CDH9: variants seen among roughly 807,000 people sequenced by gnomAD.
The protein encoded by CDH9 is cadherin 9.
CDH9 carries 28 observed loss-of-function variants against 70.9 expected under a neutral mutation model. The observed-to-expected ratio is 0.40, with a 90% CI of 0.29 to 0.54. The LOEUF (loss-of-function observed/expected upper bound fraction) is 0.54. Ranked by LOEUF, CDH9 falls within the 20% of genes least tolerant of loss-of-function variation. The probability of loss-of-function intolerance (pLI) is 0.59; values close to 1 mark genes in which losing one functional copy is unlikely to be tolerated. For synonymous variants in CDH9, 409 were observed against 343.1 expected, an observed-to-expected ratio of 1.19 and a Z score of -2.12; for missense variants, 874 against 984.4, an observed-to-expected ratio of 0.89 and a Z score of 1.50.
intron 3 of CDH9, among the ~76,000 whole-genome samples, chr5:26,911,428 C>A (rs1741052025): frequency 6.6e-6 from 1 of 152,046 alleles, no homozygotes. Context: ...ATGAAGAATT[C>A]ATTGACCGAG....
intron 4 of CDH9, 58 bp from the exon 5 acceptor site, chr5:26,906,184 C>T (rs1740945373): frequency 2.8e-6 from 4 of 1,410,516 alleles, no homozygotes; most frequent in Non-Finnish European, 3.9e-6. Flanking sequence ...TAAAATTAAG[C>T]TAGACAAGAC....
intron 3 of CDH9, among the ~76,000 whole-genome samples, chr5:26,908,340 G>GT (rs34902473): frequency 0.79 from 118,815 of 150,784 alleles, 47,185 homozygotes; most frequent in East Asian, 0.87. Flanking sequence ...TTCAACAAGT[G>GT]TTTTTTTTTA....
chr5:26,982,224 A>G (rs1448381510), intron 2 of CDH9, among the ~76,000 whole-genome samples: 1 of 152,086 alleles, frequency 6.6e-6, no homozygotes, highest in Non-Finnish European at 1.5e-5. Context: ...AAGTAGTTCA[A>G]AAACACTGAA....
intron 1 of CDH9, among the ~76,000 whole-genome samples, chr5:27,001,842 A>ACTCTCTCTCTCTCTCTCTCT: frequency 7.9e-6 from 1 of 125,942 alleles, no homozygotes; most frequent in African/African-American, 3.1e-5. Flanking sequence ...ACACACACAC[A>ACTCTCTCTCTCTCTCTCTCT]CACTCTCTCT....
chr5:26,955,033 C>T (rs114061124), intron 2 of CDH9, among the ~76,000 whole-genome samples: 3,335 of 152,030 alleles, frequency 0.022, 132 homozygotes, highest in African/African-American at 0.076. Context: ...GAACATTACT[C>T]AAAAAAAGTT....
In CDH9 at chr5:27,023,006, T is replaced by G. The variant is rs565265915; in HGVS notation, c.-50+15457A>C. Among the ~76,000 whole-genome samples the G allele has an allele frequency of 5.3e-5, 8 of 152,172 alleles. No homozygotes were observed. In the South Asian group the frequency reaches 1.2e-3, roughly 24 times the overall value. ...AGTGGTTGAAAGTTTAATACGACTA[T>G]TTTCAAGCAAAGTTGTAAATGACTT... On this transcript the variant is annotated intron_variant, in intron 1 of 11. Coordinates refer to ENST00000231021, the MANE Select transcript of CDH9 (RefSeq NM_016279.4).
intron 3 of CDH9, among the ~76,000 whole-genome samples, chr5:26,915,266 T>C (rs1479812794): frequency 1.3e-5 from 2 of 152,024 alleles, no homozygotes; most frequent in Non-Finnish European, 2.9e-5. Flanking sequence ...GCAAGCATTG[T>C]TATTCAAAAT....
At chr5:26,903,880 T>C (rs372484351) in intron 5 of CDH9, 56 bp from the exon 6 acceptor site, 6 of 935,516 alleles carry the variant, frequency 6.4e-6, no homozygotes, top group Non-Finnish European at 9.7e-6. Context: ...CATTTTTTCA[T>C]TTCCTCTGCA....
chr5:27,019,132 T>C (rs1208031430), intron 1 of CDH9, among the ~76,000 whole-genome samples: 2 of 151,906 alleles, frequency 1.3e-5, no homozygotes, highest in South Asian at 2.1e-4. Flanking sequence ...ATTGAAATAA[T>C]TGGTGAAGTA....
chr5:26,910,145 A>G (rs1446480330), intron 3 of CDH9, among the ~76,000 whole-genome samples: 1 of 152,094 alleles, frequency 6.6e-6, no homozygotes, highest in South Asian at 2.1e-4. Flanking sequence ...AAATATGAAA[A>G]TGTTTTGAAT....
intron 1 of CDH9, among the ~76,000 whole-genome samples, chr5:27,017,742 A>G (rs964602713): frequency 6.6e-6 from 1 of 152,072 alleles, no homozygotes; most frequent in Non-Finnish European, 1.5e-5. Flanking sequence ...GAAAGTTGCC[A>G]TTAAAAAGCA....
intron 7 of CDH9, among the ~76,000 whole-genome samples, chr5:26,900,222 T>G (rs2111984886): frequency 6.6e-6 from 1 of 152,158 alleles, no homozygotes; most frequent in African/African-American, 2.4e-5. Flanking sequence ...AAAGCAAAAT[T>G]ACAGCCCCAA....
At chr5:27,032,583 A>G (rs1451262389) in intron 1 of CDH9, among the ~76,000 whole-genome samples, 4 of 151,652 alleles carry the variant, frequency 2.6e-5, no homozygotes, top group African/African-American at 9.7e-5. Flanking sequence ...TCCCTGCTTA[A>G]TACATGTGTA....
intron 2 of CDH9, among the ~76,000 whole-genome samples, chr5:26,938,100 ACT>A (rs1408891667): frequency 6.6e-6 from 1 of 151,218 alleles, no homozygotes; most frequent in East Asian, 1.9e-4. Flanking sequence ...GGATATAGAA[ACT>A]CTTTGTATTT....
At chr5:26,949,502 G>A (rs1485624871) in intron 2 of CDH9, among the ~76,000 whole-genome samples, 1 of 152,206 alleles carries the variant, frequency 6.6e-6, no homozygotes, top group Non-Finnish European at 1.5e-5. Flanking sequence ...AAAACTCTTA[G>A]TTATTCTCTC....
At chr5:26,968,693 A>G (rs879704810) in intron 2 of CDH9, among the ~76,000 whole-genome samples, 1 of 150,356 alleles carries the variant, frequency 6.7e-6, no homozygotes, top group Non-Finnish European at 1.5e-5. Flanking sequence ...ATATTAATAT[A>G]ATAAGCATTT....
chr5:26,910,527 ATATC>A (rs1331900261), intron 3 of CDH9, among the ~76,000 whole-genome samples: 6 of 152,148 alleles, frequency 3.9e-5, no homozygotes, highest in African/African-American at 1.4e-4. Context: ...GTATCTATGT[ATATC>A]TATCTATCAT....
chr5:26,963,882 T>C (rs1742081890), intron 2 of CDH9, among the ~76,000 whole-genome samples: 1 of 152,116 alleles, frequency 6.6e-6, no homozygotes, highest in Non-Finnish European at 1.5e-5. Flanking sequence ...ATAACACTGA[T>C]ATGGAGTTTG....
intron 1 of CDH9, among the ~76,000 whole-genome samples, chr5:27,006,565 G>T (rs1039784677): frequency 1.3e-5 from 2 of 152,096 alleles, no homozygotes; most frequent in African/African-American, 4.8e-5. Flanking sequence ...CTCCCAACCG[G>T]TGTTTCTTCA....
Sources: allele counts gnomAD v4.1 joint callset (sites outside exome capture counted in the v4.1 genomes callset), GRCh38; gene constraint gnomAD v4.1.1; transcripts MANE v1.5; gene names NCBI Gene and HGNC (gene_info 2026-07-23, HGNC 2026-07-21).